HNRNPH3: variants seen among roughly 807,000 people sequenced by gnomAD.
HNRNPH3 encodes the protein heterogeneous nuclear ribonucleoprotein 2H9.
Under a neutral mutation model 47.0 loss-of-function variants are expected in HNRNPH3, and 7 were observed. The ratio of observed to expected loss-of-function variants is 0.15; its 90% CI spans 0.08 to 0.28. HNRNPH3 has a LOEUF of 0.28. Ranked by LOEUF, HNRNPH3 falls within the 10% of genes least tolerant of loss-of-function variation. The pLI, the probability that HNRNPH3 is intolerant of heterozygous loss-of-function variation, is 1.00. For missense variants in HNRNPH3, 279 were observed against 449.6 expected (o/e 0.62, Z 3.43); for synonymous variants, 120 against 143.2 (o/e 0.84, Z 1.16).
In HNRNPH3 at chr10:68,338,687, G is replaced by A; in HGVS notation, c.436G>A (p.Gly146Ser). The change falls in exon 4 of 10, where the codon GGT becomes AGT. Residue 146 changes from glycine to serine, a missense_variant and splice_region_variant. Transcript: ENST00000265866. The part of the protein sequence containing the change: ...MRRGGDGYDG[G>S]YGGFDDYGGY... Reference sequence around the variant, plus strand: ...ACGAGGAGGTGATGGATATGATGGTGGTATGTGTATCTAATGAACAAAGGT... The same window carrying A: ...ACGAGGAGGTGATGGATATGATGGTAGTATGTGTATCTAATGAACAAAGGT... 2 of 1,573,166 alleles carry A rather than the reference G, an allele frequency of 1.3e-6. No homozygotes were observed. Among genetic ancestry groups the A allele is most frequent in the Non-Finnish European group, 1.7e-6 (2 of 1,158,582 alleles).
At chr10:68,341,361 AATAAG>A in intron 7 of HNRNPH3, 52 bp downstream of exon 7, 1 of 1,551,570 alleles carries the variant, frequency 6.4e-7, no homozygotes, top group Non-Finnish European at 8.7e-7. Flanking sequence ...GAATTTATAA[AATAAG>A]AGGCTCTAAG....
intron 7 of HNRNPH3, 103 bp from the exon 8 acceptor site, chr10:68,341,482 C>T: frequency 9.8e-7 from 1 of 1,017,088 alleles, no homozygotes; most frequent in Non-Finnish European, 1.5e-6. Context: ...AATAAGCATA[C>T]TTTGTTTAAT....
chr10:68,341,342 C>A (rs1164885147), intron 7 of HNRNPH3, 33 bp downstream of exon 7: 1 of 1,576,842 alleles, frequency 6.3e-7, no homozygotes. Flanking sequence ...AATCTTATTT[C>A]CTAAACGTGA....
chr10:68,340,349 GA>G (rs1377566635), intron 6 of HNRNPH3, among the ~76,000 whole-genome samples: 1 of 152,166 alleles, frequency 6.6e-6, no homozygotes, highest in Admixed American at 6.5e-5. Context: ...TTGAAAGAGT[GA>G]ATATATAAAT....
rs143669630 is a variant in HNRNPH3, at chr10:68,337,461, T to C, written c.112+128T>C. 123 of 620,174 alleles carry C rather than the reference T, an allele frequency of 2.0e-4. No homozygotes were observed. Among genetic ancestry groups the C allele is most frequent in the African/African-American group, 2.0e-3 (106 of 54,084 alleles). 38.4% of individuals were successfully genotyped at this position (620,174 alleles called of 1,614,324 possible). A position where few individuals can be genotyped will look rare whatever the true frequency, so the allele number is the denominator to read the frequency against. ...GTTTAACTATGATAGTCTTGGTTAA[T>C]GTATTAAAATAATATGCTCCAGTTA... On this transcript the variant is annotated intron_variant, in intron 2 of 9. Coordinates refer to ENST00000265866, the MANE Select transcript of HNRNPH3 (RefSeq NM_012207.3). The surrounding 1 kb of genome is among the most constrained non-coding windows in gnomAD (Gnocchi z 4.5).
rs1246175743 is a variant in HNRNPH3 at position 68,343,004 on chromosome 10, TTTTAG to T, written c.*955_*959del. The T allele has an allele frequency of 3.3e-5, 5 of 152,130 alleles. No homozygotes were observed. The allele number at this position is 152,130 out of a possible 1,614,324, so 9.4% of individuals were successfully genotyped here. Reference sequence around the variant, plus strand: ...TTTTGTATCTGATCCCTGCTTGGAGTTTTAGTTTAAAGAATCTATATGTAGCAAGG... The same window carrying T: ...TTTTGTATCTGATCCCTGCTTGGAGTTTTAAAGAATCTATATGTAGCAAGG... On this transcript the variant is annotated 3_prime_UTR_variant, in exon 10 of 10. Transcript: ENST00000265866.
In HNRNPH3 at chr10:68,341,275, A is replaced by C; in HGVS notation, c.741A>C (p.Ala247=). Residue 247 remains alanine, a synonymous_variant, in exon 7 of 10, where the codon GCA becomes GCC. Coordinates refer to ENST00000265866, the MANE Select transcript of HNRNPH3 (RefSeq NM_012207.3). ...ADVEFVTHED[A]VAAMSKDKNN... ...TAGAGTTTGTGACACATGAAGATGC[A>C]GTAGCTGCCATGTCTAAAGATAAAA... 1 of 1,605,390 alleles carries C rather than the reference A, an allele frequency of 6.2e-7. No individual in the cohort carries two copies. The highest frequency in any genetic ancestry group is 8.5e-7 in the Non-Finnish European group (1 of 1,177,972).
intron 1 of HNRNPH3, among the ~76,000 whole-genome samples, chr10:68,334,409 T>C (rs1229193553): frequency 1.3e-5 from 2 of 152,250 alleles, no homozygotes; most frequent in Non-Finnish European, 2.9e-5. Context: ...TTTTTTTCTT[T>C]AACGACTTTG....
chr10:68,338,269 A>G (rs2045639269), intron 3 of HNRNPH3: 2 of 461,874 alleles, frequency 4.3e-6, no homozygotes, highest in South Asian at 4.2e-5. Flanking sequence ...ATTATGTACT[A>G]AAAGAGACAA....
In HNRNPH3 at chr10:68,341,964, ATC is replaced by A. The variant is rs779776634; in HGVS notation, c.965-12_965-11del. The A allele has an allele frequency of 1.2e-6, 2 of 1,613,398 alleles. No individual in the cohort carries two copies. Among genetic ancestry groups the A allele is most frequent in the Non-Finnish European group, 1.7e-6 (2 of 1,179,424 alleles). ...TATCTCCTGCTGAGTGATTCTTAAT[ATC>A]TTTTTCTTAAGGCCGTGGTGGTGGA... On this transcript the variant is annotated splice_polypyrimidine_tract_variant and intron_variant, in intron 9 of 9. Transcript: ENST00000265866.
chr10:68,338,741 C>A, intron 4 of HNRNPH3, 54 bp downstream of exon 4: 4 of 1,384,770 alleles, frequency 2.9e-6, no homozygotes, highest in South Asian at 1.5e-5. Context: ...ATGTTCCTGA[C>A]ACTTTGTCAA....
At position 68,342,456 on chromosome 10, in the gene HNRNPH3, A is replaced by C. The variant is rs1341017413; in HGVS notation, c.*402A>C. 6.3e-6 allele frequency: 1 copy of C among 157,690 alleles called. No homozygotes were observed. Among genetic ancestry groups the C allele is most frequent in the Admixed American group, 6.3e-5 (1 of 15,946 alleles). The allele number at this position is 157,690 out of a possible 1,614,324, so 9.8% of individuals were successfully genotyped here. ...AGACATCTGGAATAGAGCTTGACAA[A>C]TAATTAGTGTAACTTTTTTCTTTAG... On this transcript the variant is annotated 3_prime_UTR_variant, in exon 10 of 10. Transcript: ENST00000265866.
intron 1 of HNRNPH3, among the ~76,000 whole-genome samples, chr10:68,335,205 TATGGG>T (rs1345863392): frequency 3.3e-5 from 5 of 151,910 alleles, no homozygotes; most frequent in African/African-American, 1.2e-4. Context: ...TGCTAAGATT[TATGGG>T]TAAATTAATT....
In HNRNPH3 at chr10:68,341,591, G is replaced by A. The variant is rs2134787518; in HGVS notation, c.782G>A (p.Arg261Gln). 6.2e-7 allele frequency: 1 copy of A among 1,602,104 alleles called. No homozygotes were observed. The highest frequency in any genetic ancestry group is 1.1e-5 in the South Asian group (1 of 89,712). ...MSKDKNNMQH[R>Q]YIELFLNSTP... ...CTTTCTTTTTTTCTTAAAGAACATC[G>A]ATATATTGAACTCTTCTTGAATTCT... Residue 261 changes from arginine (R) to glutamine (Q), a missense_variant, in exon 8 of 10, where the codon CGA (arginine) becomes CAA (glutamine). This residue lies in a region of HNRNPH3 where 239 missense variants were observed against 335.8 expected (regional missense o/e 0.71). Coordinates refer to ENST00000265866, the MANE Select transcript of HNRNPH3 (RefSeq NM_012207.3).
At position 68,339,228 on chromosome 10, in the gene HNRNPH3, TA is replaced by T; in HGVS notation, c.523+6del. 6.3e-7 allele frequency: 1 copy of T among 1,582,520 alleles called. No homozygotes were observed. On this transcript the variant is annotated splice_donor_region_variant and intron_variant, in intron 5 of 9. Transcript: ENST00000265866. ...ATGACAGAATGAGAGATGGAAGAGG[TA>T]AAATAAATATTAAAGACATTTTTAT...
chr10:68,335,917 A>G (rs2045523617), intron 1 of HNRNPH3, among the ~76,000 whole-genome samples: 1 of 152,200 alleles, frequency 6.6e-6, no homozygotes. Flanking sequence ...TTGTATTCCC[A>G]TTTTGGTTTT....
At position 68,335,055 on chromosome 10, in the gene HNRNPH3, G is replaced by A. The variant is rs142066305; in HGVS notation, c.-23-2144G>A. On this transcript the variant is annotated intron_variant, in intron 1 of 9. Coordinates refer to ENST00000265866, the MANE Select transcript of HNRNPH3 (RefSeq NM_012207.3). Reference sequence around the variant, plus strand: ...TGTTCCGAGTTCGGTTGGGTTTTCCGCAATTAAAAATTGTGTTAACAGTTT... The same window carrying A: ...TGTTCCGAGTTCGGTTGGGTTTTCCACAATTAAAAATTGTGTTAACAGTTT... Among the ~76,000 whole-genome samples, 302 of 152,144 alleles carry A rather than the reference G, an allele frequency of 2.0e-3. 1 individual carries two copies. The highest frequency in any genetic ancestry group is 7.0e-3 in the African/African-American group (292 of 41,530).
chr10:68,337,793 A>C lies in HNRNPH3; in HGVS notation c.113-65A>C. The C allele has an allele frequency of 7.5e-7, 1 of 1,340,148 alleles. No individual in the cohort carries two copies. Among genetic ancestry groups the C allele is most frequent in the Non-Finnish European group, 1.0e-6 (1 of 968,200 alleles). 83.0% of individuals were successfully genotyped at this position (1,340,148 alleles called of 1,614,324 possible). On this transcript the variant is annotated intron_variant, in intron 2 of 9. Coordinates refer to ENST00000265866, the MANE Select transcript of HNRNPH3 (RefSeq NM_012207.3). The surrounding 1 kb of genome is among the most constrained non-coding windows in gnomAD (Gnocchi z 4.5). ...TAGACTTGTTTTAAATATTTGATTC[A>C]GATGGGAATGTTTCAGCCTTTAACA...
chr10:68,335,501 G>C (rs1264096258), intron 1 of HNRNPH3, among the ~76,000 whole-genome samples: 1 of 151,654 alleles, frequency 6.6e-6, no homozygotes, highest in Non-Finnish European at 1.5e-5. Flanking sequence ...AACTGGATTG[G>C]GGCCGCCTCC....
Sources: allele counts gnomAD v4.1 joint callset (sites outside exome capture counted in the v4.1 genomes callset), GRCh38; gene constraint gnomAD v4.1.1; regional missense constraint gnomAD v4.1.1; non-coding constraint Gnocchi (gnomAD v3.1); transcripts MANE v1.5; gene names NCBI Gene and HGNC (gene_info 2026-07-23, HGNC 2026-07-21).